Variants in CLASP1 observed in about 807,000 individuals in gnomAD.
The protein encoded by CLASP1 is CLIP-associating protein 1.
A neutral mutation model predicts 192.3 loss-of-function variants in CLASP1; 38 were observed. The ratio of observed to expected loss-of-function variants is 0.20; its 90% CI spans 0.15 to 0.26. The LOEUF (loss-of-function observed/expected upper bound fraction) is 0.26, where lower values mean the gene tolerates loss of function less well. Ranked by LOEUF, CLASP1 falls within the 10% of genes least tolerant of loss-of-function variation. The pLI is 1.00. For synonymous variants in CLASP1, 691 were observed against 712.8 expected (o/e 0.97, Z 0.49); for missense variants, 1,433 against 1,932.5 (o/e 0.74, Z 4.85).
rs184862624 is a variant in CLASP1, at chr2:121,627,462, C to G, written c.-285-21282G>C. Among the ~76,000 whole-genome samples, 81 of 152,306 alleles carry G rather than the reference C, an allele frequency of 5.3e-4. 2 individuals carry two copies. The East Asian group carries it at 0.012, about 22-fold the overall frequency. On this transcript the variant is annotated intron_variant, in intron 1 of 39. Coordinates refer to ENST00000263710, the Ensembl canonical transcript of CLASP1. ...AAAGACAAGTAAATAATCTATTCCA[C>G]CAAGTATATCAAGACGCTTTCCTGC...
intron 37 of CLASP1, among the ~76,000 whole-genome samples, chr2:121,356,466 G>T (rs1362958236): frequency 6.6e-6 from 1 of 152,214 alleles, no homozygotes; most frequent in Non-Finnish European, 1.5e-5. Flanking sequence ...GAGAAGAAAA[G>T]TTCCAGGCTA....
At chr2:121,443,436 C>T (rs903245072) in intron 19 of CLASP1, among the ~76,000 whole-genome samples, 16 of 152,122 alleles carry the variant, frequency 1.1e-4, no homozygotes, top group African/African-American at 3.9e-4. Context: ...TATTCTCTTC[C>T]ACTCTCCTCC....
chr2:121,576,844 G>A (rs2060570002), intron 2 of CLASP1, among the ~76,000 whole-genome samples: 1 of 152,102 alleles, frequency 6.6e-6, no homozygotes, highest in South Asian at 2.1e-4. Flanking sequence ...AAGAGGCAAA[G>A]TTCTTTATAG....
intron 2 of CLASP1, among the ~76,000 whole-genome samples, chr2:121,561,725 G>A (rs774886122): frequency 6.6e-6 from 1 of 152,208 alleles, no homozygotes; most frequent in Non-Finnish European, 1.5e-5. Context: ...TGGAGATAAG[G>A]GCAAGTGAGT....
intron 34 of CLASP1, among the ~76,000 whole-genome samples, chr2:121,372,374 T>C (rs1471847120): frequency 1.3e-5 from 2 of 152,216 alleles, no homozygotes; most frequent in South Asian, 2.1e-4. Context: ...CCTTATCCTT[T>C]ACCTGGTGAT....
At chr2:121,600,361 C>G (rs2063656706) in intron 2 of CLASP1, among the ~76,000 whole-genome samples, 1 of 152,198 alleles carries the variant, frequency 6.6e-6, no homozygotes, top group Non-Finnish European at 1.5e-5. Context: ...AAGAGATTAT[C>G]TAGTCTAATA....
At chr2:121,439,312 T>G (rs2082853503) in intron 19 of CLASP1, among the ~76,000 whole-genome samples, 1 of 152,200 alleles carries the variant, frequency 6.6e-6, no homozygotes, top group African/African-American at 2.4e-5. Flanking sequence ...AGGGTTTTTT[T>G]GTGTGTCTAT....
intron 25 of CLASP1, 59 bp from the exon 27 acceptor site, chr2:121,404,493 G>A: frequency 1.4e-6 from 2 of 1,455,014 alleles, no homozygotes; most frequent in Non-Finnish European, 9.4e-7. Context: ...TTGAGACAGG[G>A]TCTCACTCTA....
exon 29 of CLASP1, chr2:121,398,376 T>C (rs191322793): frequency 3.6e-4 from 571 of 1,595,354 alleles, no homozygotes; most frequent in Non-Finnish European, 4.5e-4. Context: ...AAATGTTAAA[T>C]TGTTGATCAA....
At chr2:121,464,415 C>T (rs1045984051) in intron 9 of CLASP1, among the ~76,000 whole-genome samples, 34 of 152,172 alleles carry the variant, frequency 2.2e-4, no homozygotes, top group African/African-American at 7.9e-4. Flanking sequence ...CTTGAGGAAT[C>T]GCCACACTGA....
chr2:121,531,139 T>C (rs2094843432), intron 2 of CLASP1: 7 of 613,546 alleles, frequency 1.1e-5, no homozygotes, highest in East Asian at 1.1e-4. Flanking sequence ...GTTCTTTCAG[T>C]TTTTGCGGTG....
intron 28 of CLASP1, among the ~76,000 whole-genome samples, chr2:121,400,655 ACTGT>A (rs2076030898): frequency 6.6e-6 from 1 of 152,250 alleles, no homozygotes; most frequent in Admixed American, 6.5e-5. Context: ...GTCAAGGCAA[ACTGT>A]CTGTTTCTCA....
chr2:121,605,731 A>G (rs2064347846), exon 2 of CLASP1: 2 of 1,613,970 alleles, frequency 1.2e-6, no homozygotes, highest in Non-Finnish European at 1.7e-6. Flanking sequence ...CCCAAGAGGT[A>G]GCAAGTCCAT....
intron 8 of CLASP1, among the ~76,000 whole-genome samples, chr2:121,500,372 GAA>G (rs1182658280): frequency 6.1e-5 from 7 of 114,414 alleles, no homozygotes; most frequent in African/African-American, 2.4e-4. Context: ...AAGAAAGAAA[GAA>G]AGAAAGAAAG....
intron 11 of CLASP1, among the ~76,000 whole-genome samples, chr2:121,460,793 C>T (rs2087769727): frequency 6.6e-6 from 1 of 152,086 alleles, no homozygotes. Flanking sequence ...CACAAAAAAG[C>T]CACCTTAAAG....
intron 16 of CLASP1, among the ~76,000 whole-genome samples, chr2:121,450,400 A>G: frequency 6.6e-6 from 1 of 152,222 alleles, no homozygotes; most frequent in East Asian, 1.9e-4. Context: ...GAGGAAACTC[A>G]GTCCTAATGG....
intron 8 of CLASP1, among the ~76,000 whole-genome samples, chr2:121,479,039 A>ACACCC (rs1195244328): frequency 2.6e-4 from 18 of 68,512 alleles, no homozygotes; most frequent in African/African-American, 1.2e-3. Flanking sequence ...CACCCCACAC[A>ACACCC]CACACACACC....
chr2:121,512,268 C>T (rs2150325903), intron 7 of CLASP1, among the ~76,000 whole-genome samples: 1 of 152,216 alleles, frequency 6.6e-6, no homozygotes, highest in South Asian at 2.1e-4. Context: ...ATATGTGATA[C>T]TGACTAAAAA....
intron 10 of CLASP1, among the ~76,000 whole-genome samples, chr2:121,462,158 T>C (rs993606690): frequency 4.6e-5 from 7 of 152,006 alleles, no homozygotes; most frequent in Admixed American, 3.3e-4. Flanking sequence ...ACTAAGCTCT[T>C]ATTAAACCAT....
Sources: gnomAD v4.1 joint callset for allele counts (sites outside exome capture counted in the v4.1 genomes callset) on GRCh38, gnomAD v4.1.1 for gene constraint, MANE v1.5 for transcripts, NCBI Gene and HGNC (gene_info 2026-07-23, HGNC 2026-07-21) for gene names.